AACS: variants seen among roughly 807,000 people sequenced by gnomAD.
AACS encodes the protein acetoacetate-CoA ligase.
A neutral mutation model predicts 83.1 loss-of-function variants in AACS; 69 were observed. The observed-to-expected ratio is 0.83, with a 90% CI of 0.68 to 1.01. AACS has a LOEUF of 1.01. Among genes scored for constraint, AACS ranks in the 50% least tolerant of loss-of-function variants. AACS has a pLI of 0.00. For missense variants in AACS, 866 were observed against 882.2 expected, an observed-to-expected ratio of 0.98 and a Z score of 0.23; for synonymous variants, 333 against 343.4, an observed-to-expected ratio of 0.97 and a Z score of 0.33.
At chr12:125,109,952 G>A (rs1956916585) in intron 8 of AACS, among the ~76,000 whole-genome samples, 2 of 152,062 alleles carry the variant, frequency 1.3e-5, no homozygotes, top group Admixed American at 1.3e-4. Context: ...TACAACGTTA[G>A]TGTATTTCAT....
At position 125,065,554 on chromosome 12, in the gene AACS, C is replaced by T. The variant is rs1312473971; in HGVS notation, c.-31C>T. 6.7e-7 allele frequency: 1 copy of T among 1,492,086 alleles called. No individual in the cohort carries two copies. The highest frequency in any genetic ancestry group is 8.9e-7 in the Non-Finnish European group (1 of 1,121,194). The allele number at this position is 1,492,086 out of a possible 1,614,324, so 92.4% of individuals were successfully genotyped here. On this transcript the variant is annotated 5_prime_UTR_variant, in exon 1 of 18. Transcript: ENST00000316519. The stretch of plus-strand genomic sequence containing the variant: ...CAGCCCCGGCCCCTGGTCCCCAGCC[C>T]TCGTCGCAGCCCCGGCCGCCCGCCG...
chr12:125,073,974 G>C lies in AACS; in HGVS notation c.232G>C (p.Asp78His). 2 of 1,611,956 alleles carry C rather than the reference G, an allele frequency of 1.2e-6. No individual in the cohort carries two copies. Among genetic ancestry groups the C allele is most frequent in the Non-Finnish European group, 1.7e-6 (2 of 1,178,364 alleles). The change falls in exon 2 of 18, where the codon GAT becomes CAT. Residue 78 changes from aspartate (D) to histidine (H), a missense_variant. Asp to His is a moderately conservative substitution (Grantham distance 81, BLOSUM62 -1). Coordinates refer to ENST00000316519, the MANE Select transcript of AACS (RefSeq NM_023928.5). ...TGGAATTGTCTTCTCACGTGTGTAT[G>C]ATGAGGTAAGTAGAGATTTTCCGTG... The part of the protein sequence containing the change: ...FSGIVFSRVY[D>H]EVVDTSKGIA...
In AACS at chr12:125,140,351, G is replaced by C. The variant is rs2136146740; in HGVS notation, c.1882-1741G>C. On this transcript the variant is annotated intron_variant, in intron 17 of 17. Transcript: ENST00000316519. The surrounding 1 kb of genome is among the most constrained non-coding windows in gnomAD (Gnocchi z 5.1). ...CTCTCCCCAGAGGAAATGGTAGCAG[G>C]ATTTCTTTTAAGAGGATGCTGCTGT... The C allele has an allele frequency of 6.6e-6, 1 of 152,322 alleles. No individual in the cohort carries two copies. Among genetic ancestry groups the C allele is most frequent in the East Asian group, 1.9e-4 (1 of 5,180 alleles). 9.4% of individuals were successfully genotyped at this position (152,322 alleles called of 1,614,324 possible). A position where few individuals can be genotyped will look rare whatever the true frequency, so the allele number is the denominator to read the frequency against.
At chr12:125,141,085 A>C (rs1018133216) in intron 17 of AACS, 6 of 152,222 alleles carry the variant, frequency 3.9e-5, no homozygotes, top group African/African-American at 1.2e-4. Flanking sequence ...CCCTACTTTC[A>C]TTCGAGGAAG....
intron 4 of AACS, among the ~76,000 whole-genome samples, chr12:125,087,333 C>G (rs55999005): frequency 1.4e-3 from 212 of 152,188 alleles, no homozygotes; most frequent in African/African-American, 4.8e-3. Context: ...GGATTTCCCA[C>G]GAAGAACTGC....
At chr12:125,119,354 G>A (rs549176297) in intron 10 of AACS, among the ~76,000 whole-genome samples, 5 of 152,302 alleles carry the variant, frequency 3.3e-5, no homozygotes, top group South Asian at 4.1e-4. Context: ...ACCGAGGGTC[G>A]CCTAGAGTCC....
chr12:125,127,941 C>A, intron 12 of AACS: 1 of 392,244 alleles, frequency 2.5e-6, no homozygotes, highest in Non-Finnish European at 4.6e-6. Context: ...GAAGGCTCGG[C>A]TAAAACGTCA....
intron 4 of AACS, among the ~76,000 whole-genome samples, chr12:125,088,127 T>G (rs1956381487): frequency 6.6e-6 from 1 of 152,156 alleles, no homozygotes; most frequent in Non-Finnish European, 1.5e-5. Flanking sequence ...TTCTCCTCAC[T>G]GCTGTATCTT....
rs1173035287 is a variant in AACS at position 125,130,435 on chromosome 12, T to C, written c.1549+975T>C. ...AGCAAGAGTGGATGTAGAGAAACACTCATCAGATGACCCTGAAGAGGAGGG... is the reference window on the plus strand; with the variant it reads ...AGCAAGAGTGGATGTAGAGAAACACCCATCAGATGACCCTGAAGAGGAGGG... On this transcript the variant is annotated intron_variant, in intron 14 of 17. Coordinates refer to ENST00000316519, the MANE Select transcript of AACS (RefSeq NM_023928.5). The surrounding 1 kb of genome is among the most constrained non-coding windows in gnomAD (Gnocchi z 4.9). Among the ~76,000 whole-genome samples, 1 of 152,212 alleles carries C rather than the reference T, an allele frequency of 6.6e-6. No individual in the cohort carries two copies. The highest frequency in any genetic ancestry group is 1.9e-4 in the East Asian group (1 of 5,200).
intron 14 of AACS, among the ~76,000 whole-genome samples, chr12:125,131,100 A>G (rs1406066662): frequency 6.6e-6 from 1 of 152,260 alleles, no homozygotes; most frequent in Non-Finnish European, 1.5e-5. Context: ...TTAAAAAATG[A>G]TGCCAGGTGA....
chr12:125,065,763 C>A, intron 1 of AACS, 46 bp downstream of exon 1: 1 of 1,486,516 alleles, frequency 6.7e-7, no homozygotes, highest in East Asian at 2.7e-5. Flanking sequence ...TGGGCGGGAG[C>A]CGTGCAGGGT....
chr12:125,070,233 TAA>T (rs1565919187), intron 1 of AACS, among the ~76,000 whole-genome samples: 1 of 152,160 alleles, frequency 6.6e-6, no homozygotes, highest in Non-Finnish European at 1.5e-5. Flanking sequence ...TCCCTGTAGG[TAA>T]GTTTCCAATA....
At chr12:125,107,575 G>A (rs1172151603) in intron 8 of AACS, among the ~76,000 whole-genome samples, 1 of 152,240 alleles carries the variant, frequency 6.6e-6, no homozygotes, top group African/African-American at 2.4e-5. Context: ...CTTTCACCCT[G>A]CAGGTCTGGA....
At chr12:125,100,879 C>T (rs1029393604) in intron 5 of AACS, 7 of 152,298 alleles carry the variant, frequency 4.6e-5, no homozygotes, top group Admixed American at 1.3e-4. Flanking sequence ...AACAAATGCC[C>T]GCCGCTCCTG....
At chr12:125,141,008 C>G (rs1957479589) in intron 17 of AACS, 2 of 152,266 alleles carry the variant, frequency 1.3e-5, no homozygotes. Flanking sequence ...CTAGGCACTT[C>G]TGAAGCTGTG....
At chr12:125,110,340 G>A (rs548054894) in intron 8 of AACS, among the ~76,000 whole-genome samples, 4 of 152,100 alleles carry the variant, frequency 2.6e-5, no homozygotes, top group East Asian at 1.9e-4. Flanking sequence ...CAAAGTGCTG[G>A]GATTACAGGC....
chr12:125,066,249 C>G (rs1955688800), intron 1 of AACS, among the ~76,000 whole-genome samples: 1 of 152,026 alleles, frequency 6.6e-6, no homozygotes, highest in Non-Finnish European at 1.5e-5. Context: ...TCTACACTCC[C>G]AGCCCCCAAA....
intron 8 of AACS, 36 bp from the exon 9 acceptor site, chr12:125,114,441 A>G (rs1221247528): frequency 6.3e-7 from 1 of 1,595,712 alleles, no homozygotes; most frequent in East Asian, 2.2e-5. Flanking sequence ...TGTATGCCTA[A>G]CAGAGAGCAC....
intron 8 of AACS, among the ~76,000 whole-genome samples, chr12:125,110,260 AC>A (rs1013811820): frequency 3.5e-5 from 5 of 141,550 alleles, no homozygotes; most frequent in African/African-American, 1.3e-4. Flanking sequence ...TTTAGTAGAG[AC>A]GGGGTTTCAC....
Sources: gnomAD v4.1 joint callset for allele counts (sites outside exome capture counted in the v4.1 genomes callset) on GRCh38, gnomAD v4.1.1 for gene constraint, Gnocchi (gnomAD v3.1) non-coding constraint, MANE v1.5 for transcripts, NCBI Gene and HGNC (gene_info 2026-07-23, HGNC 2026-07-21) for gene names.